The following AGPAT3 variants were observed in gnomAD, a reference collection of about 807,000 sequenced individuals.
AGPAT3 encodes the protein 1-acyl-sn-glycerol-3-phosphate acyltransferase gamma.
AGPAT3 carries 5 observed loss-of-function variants against 47.3 expected under a neutral mutation model. The ratio of observed to expected loss-of-function variants is 0.11; its 90% CI spans 0.06 to 0.22. The LOEUF is 0.22. Ranked by LOEUF, AGPAT3 falls within the 10% of genes least tolerant of loss-of-function variation. The pLI, the probability that AGPAT3 is intolerant of heterozygous loss-of-function variation, is 1.00. For missense variants in AGPAT3, 315 were observed against 493.0 expected (o/e 0.64, Z 3.42); for synonymous variants, 212 against 208.3 (o/e 1.02, Z -0.15).
intron 2 of AGPAT3, among the ~76,000 whole-genome samples, chr21:43,915,132 C>T (rs2086699585): frequency 1.3e-5 from 2 of 152,002 alleles, no homozygotes; most frequent in Non-Finnish European, 1.5e-5. Context: ...AGTCTTGGCT[C>T]ACTGCAACCT....
At chr21:43,887,025 T>C (rs2085993788) in intron 1 of AGPAT3, among the ~76,000 whole-genome samples, 1 of 152,232 alleles carries the variant, frequency 6.6e-6, no homozygotes, top group Non-Finnish European at 1.5e-5. Flanking sequence ...TCCAAACTGC[T>C]CTCAATAGTG....
At chr21:43,979,243 G>A (rs1033182313) in intron 8 of AGPAT3, among the ~76,000 whole-genome samples, 1 of 144,852 alleles carries the variant, frequency 6.9e-6, no homozygotes, top group Non-Finnish European at 1.5e-5. Context: ...GGGGTTGCAG[G>A]AGCCAGGATC....
chr21:43,914,983 T>A (rs921748261), intron 2 of AGPAT3, among the ~76,000 whole-genome samples: 1 of 152,238 alleles, frequency 6.6e-6, no homozygotes, highest in Non-Finnish European at 1.5e-5. Context: ...TTATCTAGAT[T>A]TCAAAATTTA....
At chr21:43,957,414 T>A (rs2088526154) in intron 2 of AGPAT3, among the ~76,000 whole-genome samples, 1 of 152,200 alleles carries the variant, frequency 6.6e-6, no homozygotes, top group Admixed American at 6.5e-5. Context: ...CTCAGTGCCC[T>A]TCCAGAGGAC....
At chr21:43,969,476 G>A (rs1421234627) in intron 5 of AGPAT3, among the ~76,000 whole-genome samples, 197 bp downstream of exon 5, 40 of 152,156 alleles carry the variant, frequency 2.6e-4, no homozygotes, top group Admixed American at 2.4e-3. Flanking sequence ...CTTGCTACTC[G>A]CCGCAATCCC....
rs536950440 is a variant in AGPAT3, at chr21:43,922,806, C to T, written c.-49+18787C>T. Among the ~76,000 whole-genome samples the T allele has an allele frequency of 4.4e-4, 67 of 152,290 alleles. No homozygotes were observed. The highest frequency in any genetic ancestry group is 2.5e-3 in the Admixed American group (39 of 15,304). ...GAGCCACGTGCCAGGCAGGTCACTC[C>T]GTCAGCATAGGGGCTGCCATGAGGA... On this transcript the variant is annotated intron_variant, in intron 2 of 9. Transcript: ENST00000291572. The surrounding 1 kb of genome is among the most constrained non-coding windows in gnomAD (Gnocchi z 4.9).
chr21:43,902,947 C>T (rs1205767962), intron 1 of AGPAT3, among the ~76,000 whole-genome samples: 4 of 152,182 alleles, frequency 2.6e-5, no homozygotes, highest in South Asian at 2.1e-4. Flanking sequence ...CTGCAGTGAG[C>T]GGTGATTGTG....
intron 6 of AGPAT3, among the ~76,000 whole-genome samples, 175 bp from the exon 7 acceptor site, chr21:43,971,213 G>C (rs927994397): frequency 2.6e-5 from 4 of 152,192 alleles, no homozygotes; most frequent in Admixed American, 2.6e-4. Context: ...GAAAAAAGAG[G>C]GGGAAAGAAA....
intron 1 of AGPAT3, among the ~76,000 whole-genome samples, chr21:43,877,828 C>T (rs1290794165): frequency 2.0e-5 from 3 of 152,104 alleles, no homozygotes; most frequent in Admixed American, 1.3e-4. Flanking sequence ...ACCATCTTGT[C>T]CCCTCTATCT....
At chr21:43,917,215 G>T (rs2248918) in intron 2 of AGPAT3, among the ~76,000 whole-genome samples, 9,955 of 135,054 alleles carry the variant, frequency 0.074, 1,017 homozygotes, top group African/African-American at 0.24. Flanking sequence ...CTTCTTGCTC[G>T]TCACCTCCAT....
intron 2 of AGPAT3, among the ~76,000 whole-genome samples, chr21:43,941,709 G>A (rs913343274): frequency 6.6e-6 from 1 of 152,252 alleles, no homozygotes; most frequent in South Asian, 2.1e-4. Flanking sequence ...CGAGTGTGAC[G>A]GGGGCCATGT....
chr21:43,950,938 A>G (rs1462029195), intron 2 of AGPAT3: 2 of 152,258 alleles, frequency 1.3e-5, no homozygotes, highest in African/African-American at 4.8e-5. Context: ...TGTGCAGTTT[A>G]TTTCCGGGTT....
At chr21:43,961,646 G>A (rs2329631) in intron 3 of AGPAT3, among the ~76,000 whole-genome samples, 102,699 of 143,670 alleles carry the variant, frequency 0.71, 37,810 homozygotes, top group African/African-American at 0.9. Context: ...GCGCGTATAC[G>A]CTTTGTCTCA....
chr21:43,881,453 G>A (rs1334516769), intron 1 of AGPAT3, among the ~76,000 whole-genome samples: 1 of 152,198 alleles, frequency 6.6e-6, no homozygotes, highest in Non-Finnish European at 1.5e-5. Context: ...TGCTGTCTGG[G>A]GCAGACGGCA....
intron 2 of AGPAT3, among the ~76,000 whole-genome samples, chr21:43,941,716 A>T (rs937196445): frequency 2.0e-5 from 3 of 152,246 alleles, no homozygotes; most frequent in Admixed American, 1.3e-4. Flanking sequence ...GACGGGGGCC[A>T]TGTATACAGG....
At chr21:43,968,945 G>A (rs146803469) in intron 4 of AGPAT3, among the ~76,000 whole-genome samples, 173 bp from the exon 5 acceptor site, 41 of 152,080 alleles carry the variant, frequency 2.7e-4, no homozygotes, top group Non-Finnish European at 4.3e-4. Context: ...TTTCTGGGGC[G>A]ACCCACTCAC....
At chr21:43,957,972 T>C (rs996359828) in intron 2 of AGPAT3, among the ~76,000 whole-genome samples, 3 of 152,222 alleles carry the variant, frequency 2.0e-5, no homozygotes, top group Non-Finnish European at 2.9e-5. Context: ...TCGCTCCTTT[T>C]GTGCAGGAAA....
Position 43,987,439 on chromosome 21 carries a change from T to G in AGPAT3, c.*5047T>G, listed in dbSNP as rs9982231. Among the ~76,000 whole-genome samples, 1,315 of 152,346 alleles carry G rather than the reference T, an allele frequency of 8.6e-3. 19 individuals are homozygous for G. Among genetic ancestry groups the G allele is most frequent in the African/African-American group, 0.03 (1,239 of 41,570 alleles). On this transcript the variant is annotated 3_prime_UTR_variant, in exon 10 of 10. Transcript: ENST00000291572. Reference sequence around the variant, plus strand: ...CCTGATGATGTCCAAAAAAGGGTTTTAAAAGCGATCAAGGACAAAAGGTTT... The same window carrying G: ...CCTGATGATGTCCAAAAAAGGGTTTGAAAAGCGATCAAGGACAAAAGGTTT...
At chr21:43,979,844 G>A (rs529335794) in intron 8 of AGPAT3, among the ~76,000 whole-genome samples, 76 of 152,294 alleles carry the variant, frequency 5.0e-4, no homozygotes, top group Non-Finnish European at 1.0e-3. Flanking sequence ...GCCTTTGCAC[G>A]GACACAGTGT....
Sources: gnomAD v4.1 joint callset for allele counts (sites outside exome capture counted in the v4.1 genomes callset) on GRCh38, gnomAD v4.1.1 for gene constraint, Gnocchi (gnomAD v3.1) non-coding constraint, MANE v1.5 for transcripts, NCBI Gene and HGNC (gene_info 2026-07-23, HGNC 2026-07-21) for gene names.